The following ZMIZ1 variants were observed in gnomAD, a reference collection of about 807,000 sequenced individuals.
ZMIZ1 encodes the protein zinc finger MIZ-type containing 1.
In ZMIZ1, 17 loss-of-function variants were observed where a neutral mutation model predicts 113.9. That is an observed-to-expected ratio of 0.15 (90% CI 0.10 to 0.22). The LOEUF (loss-of-function observed/expected upper bound fraction) is 0.22, where lower values mean the gene tolerates loss of function less well. ZMIZ1 is among the 10% of genes least tolerant of loss of function. ZMIZ1 has a pLI of 1.00. For missense variants in ZMIZ1, 1,059 were observed against 1,477.8 expected, an observed-to-expected ratio of 0.72 and a Z score of 4.65; for synonymous variants, 607 against 603.1, an observed-to-expected ratio of 1.01 and a Z score of -0.09.
At chr10:79,184,896 TG>T (rs1847286970) in intron 4 of ZMIZ1, among the ~76,000 whole-genome samples, 1 of 152,182 alleles carries the variant, frequency 6.6e-6, no homozygotes. Context: ...TGCTGTCAGA[TG>T]AAGGCTTGCT....
chr10:79,258,407 A>G (rs1262053920), intron 7 of ZMIZ1, among the ~76,000 whole-genome samples: 1 of 152,212 alleles, frequency 6.6e-6, no homozygotes, highest in African/African-American at 2.4e-5. Context: ...AAGAAGAAGA[A>G]GAAGAAAAGA....
intron 1 of ZMIZ1, among the ~76,000 whole-genome samples, chr10:79,078,611 C>T (rs1197637130): frequency 8.1e-6 from 1 of 122,964 alleles, no homozygotes; most frequent in African/African-American, 3.1e-5. Context: ...GTGGTGCAAT[C>T]TCAGCTCACT....
chr10:79,289,416 A>T (rs1002364522), intron 8 of ZMIZ1, among the ~76,000 whole-genome samples: 19 of 152,160 alleles, frequency 1.2e-4, no homozygotes, highest in Admixed American at 1.2e-3. Context: ...GGCTCTTCCT[A>T]AAGGGCAACG....
chr10:79,201,810 C>A, intron 5 of ZMIZ1, 118 bp downstream of exon 5: 2 of 1,113,066 alleles, frequency 1.8e-6, no homozygotes, highest in South Asian at 2.7e-5. Flanking sequence ...ACCTACCTAT[C>A]GAGGCCGTTA....
chr10:79,218,768 C>T lies in ZMIZ1; in HGVS notation c.280+2494C>T, dbSNP rs1304240778. ...AGTAAGTGAAGAAAAAGAGAAAGAG[C>T]GTCTTTGCAGTTAAGGGGACAGCCT... On this transcript the variant is annotated intron_variant, in intron 7 of 24. Coordinates refer to ENST00000334512, the MANE Select transcript of ZMIZ1 (RefSeq NM_020338.4). Among the ~76,000 whole-genome samples the T allele has an allele frequency of 4.6e-5, 7 of 152,106 alleles. No individual in the cohort carries two copies. In the South Asian group the frequency reaches 1.0e-3, roughly 22 times the overall value.
chr10:79,102,546 G>C (rs1017960910), intron 1 of ZMIZ1, among the ~76,000 whole-genome samples: 1 of 152,200 alleles, frequency 6.6e-6, no homozygotes, highest in Non-Finnish European at 1.5e-5. Context: ...TTTTCAAAGA[G>C]GCAGCATTTC....
intron 1 of ZMIZ1, among the ~76,000 whole-genome samples, chr10:79,071,651 G>C (rs1253563431): frequency 4.6e-5 from 7 of 152,302 alleles, no homozygotes; most frequent in Admixed American, 2.6e-4. Flanking sequence ...CAGTGCAGGG[G>C]CCGGGTGGGT....
intron 2 of ZMIZ1, 112 bp downstream of exon 2, chr10:79,119,136 G>C (rs986442172): frequency 6.6e-6 from 1 of 152,260 alleles, no homozygotes; most frequent in Non-Finnish European, 1.5e-5. Flanking sequence ...AGAGGGCTGG[G>C]GAGGGGAAGG....
At chr10:79,312,556 A>G (rs950061637) in intron 24 of ZMIZ1, 86 bp from the exon 25 acceptor site, 20 of 1,406,560 alleles carry the variant, frequency 1.4e-5, no homozygotes, top group East Asian at 1.4e-4. Context: ...GTGGAGGGGG[A>G]CGGGCCAGGG....
intron 4 of ZMIZ1, among the ~76,000 whole-genome samples, chr10:79,179,888 GGCCACAGGGACAACCGCCACGCAT>G (rs1847041417): frequency 6.6e-6 from 1 of 152,238 alleles, no homozygotes; most frequent in Non-Finnish European, 1.5e-5. Context: ...CAGGCAGGCA[GGCCACAGGGACAACCGCCACGCAT>G]GCCACCACCC....
At position 79,085,652 on chromosome 10, in the gene ZMIZ1, ACG is replaced by A. The variant is rs1435835376; in HGVS notation, c.-337+16384_-337+16385del. Among the ~76,000 whole-genome samples, 17 of 152,294 alleles carry A rather than the reference ACG, an allele frequency of 1.1e-4. No homozygotes were observed. In the South Asian group the frequency reaches 2.1e-3, roughly 19 times the overall value. On this transcript the variant is annotated intron_variant, in intron 1 of 24. Coordinates refer to ENST00000334512, the MANE Select transcript of ZMIZ1 (RefSeq NM_020338.4). ...TTGTGATCTCCAGAGCCCAATAAAC[ACG>A]CTTGTTAGGATTACCAGCAGCAGGC...
In ZMIZ1 at chr10:79,223,229, C is replaced by T. The variant is rs146316123; in HGVS notation, c.280+6955C>T. ...GCGCAGCTCTGCGTGAAAAACAGCT[C>T]GCGGCCGCCCAGTGAGCAGGCAGGA... On this transcript the variant is annotated intron_variant, in intron 7 of 24. Coordinates refer to ENST00000334512, the MANE Select transcript of ZMIZ1 (RefSeq NM_020338.4). Among the ~76,000 whole-genome samples the T allele has an allele frequency of 6.0e-4, 91 of 152,356 alleles. 4 individuals are homozygous for T. The highest frequency in any genetic ancestry group is 1.9e-3 in the African/African-American group (78 of 41,592).
intron 7 of ZMIZ1, among the ~76,000 whole-genome samples, chr10:79,258,416 G>A (rs1187764936): frequency 6.6e-6 from 1 of 152,134 alleles, no homozygotes; most frequent in Non-Finnish European, 1.5e-5. Flanking sequence ...AAGAAGAAAA[G>A]AAAATAGTTA....
intron 7 of ZMIZ1, among the ~76,000 whole-genome samples, chr10:79,252,035 G>C (rs990253268): frequency 4.6e-5 from 7 of 152,156 alleles, no homozygotes; most frequent in Non-Finnish European, 7.4e-5. Context: ...TCCACTGTAA[G>C]CTCAGGCTCT....
At chr10:79,116,265 C>T (rs1281052655) in intron 1 of ZMIZ1, among the ~76,000 whole-genome samples, 3 of 152,094 alleles carry the variant, frequency 2.0e-5, no homozygotes, top group Non-Finnish European at 4.4e-5. Context: ...CTGGCCATCA[C>T]AGTATGGCTG....
chr10:79,230,379 C>T (rs911182144), intron 7 of ZMIZ1, among the ~76,000 whole-genome samples: 4 of 152,208 alleles, frequency 2.6e-5, no homozygotes, highest in South Asian at 4.1e-4. Flanking sequence ...CCCTGGGCCA[C>T]GCCCCCAGAA....
At chr10:79,184,843 C>G (rs1371341188) in intron 4 of ZMIZ1, among the ~76,000 whole-genome samples, 2 of 152,218 alleles carry the variant, frequency 1.3e-5, no homozygotes, top group East Asian at 3.9e-4. Context: ...TGATCCATTG[C>G]TGCCCGTCCC....
chr10:79,144,896 C>G (rs1039400821), intron 3 of ZMIZ1, among the ~76,000 whole-genome samples: 1 of 151,882 alleles, frequency 6.6e-6, no homozygotes, highest in Non-Finnish European at 1.5e-5. Context: ...AGGCCCTGAC[C>G]TCCTCTCTGC....
intron 1 of ZMIZ1, among the ~76,000 whole-genome samples, chr10:79,086,291 C>G (rs1044009848): frequency 6.6e-6 from 1 of 152,180 alleles, no homozygotes; most frequent in Non-Finnish European, 1.5e-5. Flanking sequence ...GCATTCTCCT[C>G]TGGACTCCCT....
Sources: gnomAD v4.1 joint callset for allele counts (sites outside exome capture counted in the v4.1 genomes callset) on GRCh38, gnomAD v4.1.1 for gene constraint, MANE v1.5 for transcripts, NCBI Gene and HGNC (gene_info 2026-07-23, HGNC 2026-07-21) for gene names.